TLK1: variants seen among roughly 807,000 people sequenced by gnomAD.
TLK1 encodes serine/threonine-protein kinase tousled-like 1.
TLK1 carries 24 observed loss-of-function variants against 105.3 expected under a neutral mutation model. The observed-to-expected ratio is 0.23, with a 90% confidence interval of 0.17 to 0.32. TLK1 has a LOEUF of 0.32. TLK1 is among the 10% of genes least tolerant of loss of function. TLK1 has a pLI of 1.00. For missense variants in TLK1, 558 were observed against 910.5 expected (o/e 0.61, Z 4.98); for synonymous variants, 321 against 310.4 (o/e 1.03, Z -0.36).
At position 171,106,353 on chromosome 2, in the gene TLK1, C is replaced by A. The variant is rs140977433; in HGVS notation, c.258+11386G>T. Among the ~76,000 whole-genome samples, 771 of 152,242 alleles carry A rather than the reference C, an allele frequency of 5.1e-3. 6 individuals carry two copies. The highest frequency in any genetic ancestry group is 0.017 in the African/African-American group (717 of 41,538). On this transcript the variant is annotated intron_variant, in intron 2 of 20. Transcript: ENST00000431350. ...AAGAGCAGATTTCGAATGTTCCTATCACAAAGAAATGATAAATGTTTGAGG... is the reference window on the plus strand; with the variant it reads ...AAGAGCAGATTTCGAATGTTCCTATAACAAAGAAATGATAAATGTTTGAGG...
At position 171,160,236 on chromosome 2, in the gene TLK1, T is replaced by A. The variant is rs1020601863; in HGVS notation, c.139+54A>T. On this transcript the variant is annotated intron_variant, in intron 1 of 20. Coordinates refer to ENST00000431350, the MANE Select transcript of TLK1 (RefSeq NM_012290.5). This position sits in a 1 kb window ranked among gnomAD's most constrained non-coding sequence, Gnocchi z 4.4. ...GGGGGGCGGGGGGGGGGCGCGGGGG[T>A]CCGCGGCGCGGGAGAGGAGGCCCGC... The A allele has an allele frequency of 7.4e-6, 9 of 1,214,912 alleles. No homozygotes were observed. Among genetic ancestry groups the A allele is most frequent in the Non-Finnish European group, 9.4e-6 (9 of 962,540 alleles). 75.3% of individuals were successfully genotyped at this position (1,214,912 alleles called of 1,614,324 possible).
intron 1 of TLK1, among the ~76,000 whole-genome samples, chr2:171,124,659 A>G (rs528516778): frequency 2.0e-4 from 31 of 152,358 alleles, no homozygotes; most frequent in African/African-American, 7.5e-4. Flanking sequence ...ACCATAAACT[A>G]TGAACTCCTC....
chr2:171,068,906 CTG>C (rs769378941), intron 3 of TLK1, among the ~76,000 whole-genome samples: 3 of 152,154 alleles, frequency 2.0e-5, no homozygotes, highest in African/African-American at 4.8e-5. Context: ...AGAAAATTCA[CTG>C]TGTTCTACTG....
At chr2:171,127,485 C>T (rs551974220) in intron 1 of TLK1, among the ~76,000 whole-genome samples, 2 of 152,060 alleles carry the variant, frequency 1.3e-5, no homozygotes, top group South Asian at 2.1e-4. Context: ...GTTTGATTCC[C>T]TACTTTAAAA....
chr2:171,024,209 A>G (rs1685669243), intron 12 of TLK1, among the ~76,000 whole-genome samples: 1 of 152,162 alleles, frequency 6.6e-6, no homozygotes. Flanking sequence ...TTTACTATAT[A>G]GTTCTATTCT....
At chr2:171,172,110 CAAT>C (rs1264472744) in intron 1 of TLK1, among the ~76,000 whole-genome samples, 2 of 152,122 alleles carry the variant, frequency 1.3e-5, no homozygotes, top group African/African-American at 4.8e-5. Flanking sequence ...CAACTAAACA[CAAT>C]GATGTAGATG....
intron 1 of TLK1, among the ~76,000 whole-genome samples, chr2:171,227,350 G>T (rs1377100364): frequency 6.6e-6 from 1 of 152,148 alleles, no homozygotes; most frequent in Non-Finnish European, 1.5e-5. Flanking sequence ...AGAAAGAGAT[G>T]ATCTCTTTTC....
At chr2:171,186,951 G>A (rs147869896) in intron 1 of TLK1, among the ~76,000 whole-genome samples, 35 of 150,908 alleles carry the variant, frequency 2.3e-4, no homozygotes, top group African/African-American at 8.0e-4. Context: ...CCAGCTACTC[G>A]GGAGGCTGAG....
At chr2:171,083,731 A>G (rs756082627) in intron 2 of TLK1, among the ~76,000 whole-genome samples, 4 of 152,220 alleles carry the variant, frequency 2.6e-5, no homozygotes, top group Non-Finnish European at 4.4e-5. Context: ...TATATAATTG[A>G]AATTAGATTA....
intron 11 of TLK1, among the ~76,000 whole-genome samples, chr2:171,040,222 A>G (rs954913057): frequency 1.3e-5 from 2 of 152,212 alleles, no homozygotes; most frequent in African/African-American, 4.8e-5. Context: ...AAAACAGATT[A>G]AATTCTCCAA....
chr2:171,030,101 T>A (rs184978847), intron 11 of TLK1, among the ~76,000 whole-genome samples: 1 of 152,342 alleles, frequency 6.6e-6, no homozygotes, highest in Non-Finnish European at 1.5e-5. Context: ...CCCTTGTTTG[T>A]TAATTTACTT....
At chr2:171,142,290 C>A (rs1201532912) in intron 1 of TLK1, among the ~76,000 whole-genome samples, 1 of 152,108 alleles carries the variant, frequency 6.6e-6, no homozygotes, top group Non-Finnish European at 1.5e-5. Flanking sequence ...TTAGGAATAT[C>A]AATTTAAACA....
At chr2:171,019,576 A>G (rs1448094618) in intron 12 of TLK1, among the ~76,000 whole-genome samples, 2 of 152,142 alleles carry the variant, frequency 1.3e-5, no homozygotes, top group East Asian at 3.9e-4. Context: ...TATATGTTAC[A>G]TATTCTCTCT....
At chr2:171,217,446 C>T (rs1269193227) in intron 1 of TLK1, among the ~76,000 whole-genome samples, 1 of 152,128 alleles carries the variant, frequency 6.6e-6, no homozygotes. Context: ...CCATTGATCT[C>T]TTTGTCAGTT....
Position 171,177,392 on chromosome 2 carries a change from G to A in TLK1, c.-6+53753C>T, listed in dbSNP as rs187072527. Among the ~76,000 whole-genome samples, 12 of 149,658 alleles carry A rather than the reference G, an allele frequency of 8.0e-5. No individual in the cohort carries two copies. In the East Asian group the frequency reaches 1.2e-3, roughly 15 times the overall value. ...TACTAGGCTCAAGGGATCCACCTGC[G>A]TCAGCCTCCCAAAGTGCTGGGATTA... On this transcript the variant is annotated intron_variant, in intron 1 of 20. Coordinates refer to the TLK1 transcript ENST00000521943.
intron 1 of TLK1, among the ~76,000 whole-genome samples, chr2:171,157,935 C>T (rs1380544892): frequency 6.6e-6 from 1 of 152,208 alleles, no homozygotes; most frequent in African/African-American, 2.4e-5. Flanking sequence ...CATTCAAGTT[C>T]CATTAATATT....
chr2:171,171,250 C>T (rs1692720034), intron 1 of TLK1, among the ~76,000 whole-genome samples: 1 of 152,024 alleles, frequency 6.6e-6, no homozygotes, highest in South Asian at 2.1e-4. Context: ...CCTGTAATCC[C>T]AGCACTTTGG....
At chr2:171,025,143 T>C (rs914334301) in intron 12 of TLK1, among the ~76,000 whole-genome samples, 3 of 152,206 alleles carry the variant, frequency 2.0e-5, no homozygotes, top group African/African-American at 7.2e-5. Flanking sequence ...CATTGGATAA[T>C]AGAGTAAGGC....
At chr2:171,217,984 T>C (rs978370467) in intron 1 of TLK1, among the ~76,000 whole-genome samples, 2 of 152,178 alleles carry the variant, frequency 1.3e-5, no homozygotes, top group Non-Finnish European at 2.9e-5. Flanking sequence ...CCGGGCATGG[T>C]GGTTCATGCC....
Sources: gnomAD v4.1 joint callset for allele counts (sites outside exome capture counted in the v4.1 genomes callset) on GRCh38, gnomAD v4.1.1 for gene constraint, Gnocchi (gnomAD v3.1) non-coding constraint, MANE v1.5 for transcripts, NCBI Gene and HGNC (gene_info 2026-07-23, HGNC 2026-07-21) for gene names.